FOXO3: variants seen among roughly 807,000 people sequenced by gnomAD.
FOXO3 encodes the protein forkhead box O3.
Under a neutral mutation model 41.9 loss-of-function variants are expected in FOXO3, and 4 were observed. That is an observed-to-expected ratio of 0.10 (90% CI 0.05 to 0.22). The LOEUF (loss-of-function observed/expected upper bound fraction) is 0.22. Among genes scored for constraint, FOXO3 ranks in the 10% least tolerant of loss-of-function variants. FOXO3 has a pLI of 1.00. For synonymous variants in FOXO3, 318 were observed against 389.3 expected (o/e 0.82, Z 2.16); for missense variants, 534 against 906.8 (o/e 0.59, Z 5.28).
chr6:108,600,938 C>A (rs1017029607), intron 1 of FOXO3, among the ~76,000 whole-genome samples: 1 of 152,206 alleles, frequency 6.6e-6, no homozygotes. Context: ...CTGTAGTTCA[C>A]ACAACCAGGA....
At chr6:108,668,983 G>A (rs886234087) in intron 2 of FOXO3, among the ~76,000 whole-genome samples, 2 of 152,068 alleles carry the variant, frequency 1.3e-5, no homozygotes, top group African/African-American at 4.8e-5. Context: ...GTGGTGGCGG[G>A]CGCCTGTAGT....
chr6:108,665,009 T>C, intron 2 of FOXO3, 120 bp downstream of exon 2: 1 of 1,099,874 alleles, frequency 9.1e-7, no homozygotes, highest in Non-Finnish European at 1.3e-6. Flanking sequence ...GGAGCAGTGG[T>C]GCACATAATA....
At chr6:108,563,971 C>T (rs1313717080) in intron 1 of FOXO3, among the ~76,000 whole-genome samples, 1 of 149,974 alleles carries the variant, frequency 6.7e-6, no homozygotes, top group East Asian at 1.9e-4. Flanking sequence ...TTTTTTTTTA[C>T]CCTTCTCTGC....
intron 1 of FOXO3, among the ~76,000 whole-genome samples, chr6:108,592,955 C>G (rs1486152920): frequency 6.6e-6 from 1 of 152,154 alleles, no homozygotes; most frequent in Non-Finnish European, 1.5e-5. Context: ...AGACGTTTTC[C>G]TGGTGTGTCC....
intron 1 of FOXO3, among the ~76,000 whole-genome samples, chr6:108,582,030 C>G (rs1051235405): frequency 1.3e-5 from 2 of 151,900 alleles, no homozygotes; most frequent in African/African-American, 4.8e-5. Context: ...GCATACTCTC[C>G]AAGAAAAAAA....
At chr6:108,622,455 C>T (rs928666866) in intron 1 of FOXO3, among the ~76,000 whole-genome samples, 2 of 152,106 alleles carry the variant, frequency 1.3e-5, no homozygotes, top group Non-Finnish European at 2.9e-5. Context: ...GTCCTTGCCC[C>T]TTGGAGAATT....
intron 1 of FOXO3, among the ~76,000 whole-genome samples, chr6:108,643,750 T>C (rs1778322997): frequency 6.6e-6 from 1 of 152,168 alleles, no homozygotes; most frequent in Non-Finnish European, 1.5e-5. Flanking sequence ...TAATTAACAG[T>C]GCTATCGTCC....
intron 1 of FOXO3, among the ~76,000 whole-genome samples, chr6:108,657,304 T>C (rs1334188654): frequency 6.6e-6 from 1 of 152,190 alleles, no homozygotes; most frequent in Non-Finnish European, 1.5e-5. Context: ...TTCCTAGAGA[T>C]CTTTCTTTCT....
chr6:108,669,764 G>A (rs974146903), intron 2 of FOXO3, among the ~76,000 whole-genome samples: 1 of 152,130 alleles, frequency 6.6e-6, no homozygotes, highest in African/African-American at 2.4e-5. Context: ...CATTTAGCAT[G>A]AAGGCTGCTC....
chr6:108,669,843 C>A (rs1479583853), intron 2 of FOXO3, among the ~76,000 whole-genome samples: 2 of 152,182 alleles, frequency 1.3e-5, no homozygotes, highest in Non-Finnish European at 2.9e-5. Context: ...AGCATGGAGA[C>A]AGAGCCTGAG....
At chr6:108,572,492 A>T (rs959573619) in intron 1 of FOXO3, among the ~76,000 whole-genome samples, 1 of 152,232 alleles carries the variant, frequency 6.6e-6, no homozygotes, top group African/African-American at 2.4e-5. Context: ...TAAAGCATAG[A>T]ACATGGAGTG....
At chr6:108,607,361 A>G (rs576793423) in intron 1 of FOXO3, among the ~76,000 whole-genome samples, 1 of 151,632 alleles carries the variant, frequency 6.6e-6, no homozygotes, top group Admixed American at 6.6e-5. Context: ...GAGGCAGGAG[A>G]ATTGCTTGAA....
intron 1 of FOXO3, among the ~76,000 whole-genome samples, chr6:108,580,790 C>G (rs1776396514): frequency 6.6e-6 from 1 of 152,144 alleles, no homozygotes; most frequent in Non-Finnish European, 1.5e-5. Flanking sequence ...GTTTGAGAAC[C>G]CATAGAAAGA....
intron 2 of FOXO3, among the ~76,000 whole-genome samples, chr6:108,673,496 A>T (rs1017508291): frequency 2.0e-5 from 3 of 152,226 alleles, no homozygotes; most frequent in Admixed American, 1.3e-4. Flanking sequence ...TGTCCTGGTC[A>T]TACCTTACAG....
chr6:108,585,036 T>TTTTC (rs1776536942), intron 1 of FOXO3, among the ~76,000 whole-genome samples: 1 of 118,946 alleles, frequency 8.4e-6, no homozygotes, highest in Non-Finnish European at 1.8e-5. Flanking sequence ...TTTTTTTTTT[T>TTTTC]TTTTTTTTTT....
chr6:108,622,210 A>C (rs966588884), intron 1 of FOXO3, among the ~76,000 whole-genome samples: 12 of 150,420 alleles, frequency 8.0e-5, no homozygotes, highest in Non-Finnish European at 1.8e-4. Context: ...AGTGAGCCCA[A>C]ATCATGCCAC....
chr6:108,618,064 T>G, intron 1 of FOXO3: 1 of 718,552 alleles, frequency 1.4e-6, no homozygotes, highest in South Asian at 1.4e-5. Context: ...CATTTCCAAC[T>G]GTACAGGTGT....
intron 2 of FOXO3, among the ~76,000 whole-genome samples, chr6:108,668,339 A>T (rs540386108): frequency 6.6e-6 from 1 of 152,318 alleles, no homozygotes; most frequent in African/African-American, 2.4e-5. Flanking sequence ...CCTTAGGTCT[A>T]TCTGGAAAAG....
rs1775770282 is a variant in FOXO3, at chr6:108,561,135, C to T, written c.-74C>T. 6 of 1,474,696 alleles carry T rather than the reference C, an allele frequency of 4.1e-6. No individual in the cohort carries two copies. Among genetic ancestry groups the T allele is most frequent in the Middle Eastern group, 2.4e-4 (1 of 4,142 alleles). 91.4% of individuals were successfully genotyped at this position (1,474,696 alleles called of 1,614,324 possible). On this transcript the variant is annotated 5_prime_UTR_variant, in exon 1 of 3. Coordinates refer to ENST00000406360, the MANE Select transcript of FOXO3 (RefSeq NM_001455.4). ...CGGAGCCTTCGCGGCGTCCACGTCC[C>T]TCCCCCGCTGCACCCCGCCCCGGCG...
Sources: gnomAD v4.1 joint callset for allele counts (sites outside exome capture counted in the v4.1 genomes callset) on GRCh38, gnomAD v4.1.1 for gene constraint, MANE v1.5 for transcripts, NCBI Gene and HGNC (gene_info 2026-07-23, HGNC 2026-07-21) for gene names.